Variants in HTR2C observed in about 807,000 individuals in gnomAD.
The protein encoded by HTR2C is 5-hydroxytryptamine (serotonin) receptor 2C, G protein-coupled.
Under a neutral mutation model 21.0 loss-of-function variants are expected in HTR2C, and 5 were observed. The ratio of observed to expected loss-of-function variants is 0.24; its 90% confidence interval spans 0.12 to 0.50. The LOEUF (loss-of-function observed/expected upper bound fraction) is 0.50. Among genes scored for constraint, HTR2C ranks in the 20% least tolerant of loss-of-function variants. The pLI is 0.98. For missense variants in HTR2C, 271 were observed against 371.2 expected (o/e 0.73, Z 2.22); for synonymous variants, 150 against 145.3 (o/e 1.03, Z -0.23).
chrX:114,747,680 C>T (rs1404148442), intron 4 of HTR2C, among the ~76,000 whole-genome samples: 4 of 112,536 alleles, frequency 3.6e-5, no homozygotes, highest in African/African-American at 6.5e-5. Flanking sequence ...CTGGCATTCT[C>T]TCTTGCTCAT....
At chrX:114,823,561 G>A (rs782715436) in intron 4 of HTR2C, 12 of 338,824 alleles carry the variant, frequency 3.5e-5, no homozygotes, top group Non-Finnish European at 5.9e-5. Context: ...AGCCCACTTC[G>A]TCATGACAGA....
intron 4 of HTR2C, among the ~76,000 whole-genome samples, chrX:114,836,660 C>T (rs782652323): frequency 8.0e-5 from 9 of 112,271 alleles, no homozygotes; most frequent in South Asian, 7.4e-4. Context: ...AGAAATCACC[C>T]GTCTTCTGCA....
intron 2 of HTR2C, among the ~76,000 whole-genome samples, chrX:114,702,665 T>C (rs1465312016): frequency 4.5e-5 from 5 of 110,345 alleles, no homozygotes; most frequent in African/African-American, 1.6e-4. Flanking sequence ...ATGAGCAAAA[T>C]AACCAGCTAA....
At chrX:114,757,698 TG>T (rs1556430696) in intron 4 of HTR2C, among the ~76,000 whole-genome samples, 1 of 112,087 alleles carries the variant, frequency 8.9e-6, no homozygotes, top group Admixed American at 9.5e-5. Flanking sequence ...GTCACCAATA[TG>T]TAGGTATTAA....
At chrX:114,885,124 T>G (rs1465138365) in intron 5 of HTR2C, among the ~76,000 whole-genome samples, 3 of 111,299 alleles carry the variant, frequency 2.7e-5, no homozygotes, top group Non-Finnish European at 5.7e-5. Context: ...CAAACACTCA[T>G]GACATGAGTT....
intron 4 of HTR2C, among the ~76,000 whole-genome samples, chrX:114,732,345 A>G (rs1269867824): frequency 8.9e-6 from 1 of 112,116 alleles, no homozygotes; most frequent in Non-Finnish European, 1.9e-5. Flanking sequence ...TCTACAAAGT[A>G]TCTTTACTAG....
intron 4 of HTR2C, among the ~76,000 whole-genome samples, chrX:114,755,430 G>A (rs782135511): frequency 9.0e-6 from 1 of 110,729 alleles, no homozygotes. Context: ...TTGGCTTATG[G>A]CCACATCACT....
intron 3 of HTR2C, among the ~76,000 whole-genome samples, chrX:114,729,335 T>G (rs782023548): frequency 1.1e-4 from 12 of 111,841 alleles, no homozygotes; most frequent in African/African-American, 3.9e-4. Flanking sequence ...TTGACATATA[T>G]CATTTAATTT....
intron 5 of HTR2C, among the ~76,000 whole-genome samples, chrX:114,905,357 G>A (rs782232290): frequency 5.4e-5 from 6 of 111,901 alleles, no homozygotes; most frequent in Non-Finnish European, 1.1e-4. Context: ...TTAAACATCC[G>A]TCAACATTCT....
chrX:114,883,441 T>C (rs1176844633), intron 5 of HTR2C, among the ~76,000 whole-genome samples: 1 of 110,585 alleles, frequency 9.0e-6, no homozygotes, highest in East Asian at 2.8e-4. Context: ...CTCTAATCTT[T>C]ACAAGTTTCT....
At chrX:114,673,987 T>G (rs782113139) in intron 2 of HTR2C, among the ~76,000 whole-genome samples, 21 of 111,968 alleles carry the variant, frequency 1.9e-4, no homozygotes, top group South Asian at 3.6e-4. Context: ...AGGCTGTGCT[T>G]GATGAACCTT....
At chrX:114,853,236 TC>T (rs781989683) in intron 5 of HTR2C, among the ~76,000 whole-genome samples, 5 of 111,988 alleles carry the variant, frequency 4.5e-5, no homozygotes, top group African/African-American at 9.7e-5. Flanking sequence ...TGATTTTTTT[TC>T]ATTTTTATTT....
intron 2 of HTR2C, among the ~76,000 whole-genome samples, chrX:114,722,668 T>C (rs1184983831): frequency 1.8e-4 from 19 of 104,746 alleles, no homozygotes; most frequent in Non-Finnish European, 2.8e-4. Context: ...AGATAGCTCT[T>C]ATTATTTTGA....
At chrX:114,601,568 C>T (rs1928093245) in intron 1 of HTR2C, among the ~76,000 whole-genome samples, 2 of 108,552 alleles carry the variant, frequency 1.8e-5, no homozygotes, top group African/African-American at 3.4e-5. Context: ...AAGGACCGGC[C>T]GTTTACACTT....
rs1556417626 is a variant in HTR2C at position 114,704,677 on chromosome X, T to G, written c.-79-22181T>G. Among the ~76,000 whole-genome samples the G allele has an allele frequency of 1.8e-5, 2 of 111,432 alleles. 1 individual carries two copies. The highest frequency in any genetic ancestry group is 1.9e-4 in the Admixed American group (2 of 10,431). ...CAGGGATGCCCTCTCTCTCCACTCCTATTCAACATAGTGTTGGAAGTGCTG... is the reference window on the plus strand; with the variant it reads ...CAGGGATGCCCTCTCTCTCCACTCCGATTCAACATAGTGTTGGAAGTGCTG... On this transcript the variant is annotated intron_variant, in intron 2 of 5. Transcript: ENST00000276198.
At chrX:114,704,175 T>C (rs1445656863) in intron 2 of HTR2C, among the ~76,000 whole-genome samples, 3 of 111,243 alleles carry the variant, frequency 2.7e-5, no homozygotes, top group African/African-American at 9.8e-5. Context: ...TTCCAATCAA[T>C]AGAAAAAGAG....
chrX:114,876,870 C>A (rs1181724915), intron 5 of HTR2C, among the ~76,000 whole-genome samples: 1 of 110,362 alleles, frequency 9.1e-6, no homozygotes, highest in Non-Finnish European at 1.9e-5. Flanking sequence ...GAGATTTTTG[C>A]ACCTATGCTC....
chrX:114,672,961 C>T (rs1056797100), intron 2 of HTR2C, among the ~76,000 whole-genome samples: 2 of 111,911 alleles, frequency 1.8e-5, no homozygotes, highest in Non-Finnish European at 3.8e-5. Flanking sequence ...CATCTAATTG[C>T]ACCCTCAAGA....
chrX:114,770,737 T>G (rs1277820643), intron 4 of HTR2C, among the ~76,000 whole-genome samples: 1 of 109,635 alleles, frequency 9.1e-6, no homozygotes, highest in Non-Finnish European at 1.9e-5. Context: ...CACTTTCTAT[T>G]GACTTCTTTA....
Sources: allele counts gnomAD v4.1 joint callset (sites outside exome capture counted in the v4.1 genomes callset), GRCh38; gene constraint gnomAD v4.1.1; transcripts MANE v1.5; gene names NCBI Gene and HGNC (gene_info 2026-07-23, HGNC 2026-07-21).